The following PHGDH variants were observed in gnomAD, a reference collection of about 807,000 sequenced individuals.
PHGDH encodes phosphoglycerate dehydrogenase, also known as D-3-phosphoglycerate dehydrogenase.
In PHGDH, 50 loss-of-function variants were observed where a neutral mutation model predicts 52.6. The ratio of observed to expected loss-of-function variants is 0.95; its 90% confidence interval spans 0.76 to 1.20. The LOEUF (loss-of-function observed/expected upper bound fraction) is 1.20. Among genes scored for constraint, PHGDH ranks in the 50% most tolerant of loss-of-function variants. The pLI is 0.00. For missense variants in PHGDH, 630 were observed against 684.6 expected (o/e 0.92, Z 0.89); for synonymous variants, 271 against 280.5 (o/e 0.97, Z 0.34).
At chr1:119,742,234 G>A (rs1356493326) in intron 10 of PHGDH, 7 of 402,814 alleles carry the variant, frequency 1.7e-5, no homozygotes, top group Non-Finnish European at 3.3e-5. Context: ...TCCCCTCAGG[G>A]CTCCTCATGC....
In PHGDH at chr1:119,743,012, C is replaced by T. The variant is rs966613179; in HGVS notation, c.1415C>T (p.Thr472Ile). The T allele has an allele frequency of 2.5e-6, 4 of 1,613,108 alleles. No homozygotes were observed. Among genetic ancestry groups the T allele is most frequent in the Non-Finnish European group, 3.4e-6 (4 of 1,179,118 alleles). Residue 472 changes from threonine to isoleucine, a missense_variant, in exon 11 of 12, where the codon ACC (threonine) becomes ATC (isoleucine). By Grantham distance (89) the Thr-to-Ile change is moderately conservative (BLOSUM62 -1). Coordinates refer to ENST00000641023, the MANE Select transcript of PHGDH (RefSeq NM_006623.4). ...CCCCTGCTCCTATTCCGGACTCAGA[C>T]CTCTGACCCTGCAATGCTGCCTACC... is the stretch of plus-strand genomic sequence containing the variant. The part of the protein sequence containing the change: ...DLPLLLFRTQ[T>I]SDPAMLPTMI...
At chr1:119,737,426 C>T (rs587751532) in intron 8 of PHGDH, among the ~76,000 whole-genome samples, 160 bp downstream of exon 8, 217 of 152,216 alleles carry the variant, frequency 1.4e-3, no homozygotes, top group Non-Finnish European at 2.1e-3. Context: ...AGCAGGTGGG[C>T]GGGAGCCTCC....
chr1:119,723,338 C>G, intron 2 of PHGDH, 38 bp from the exon 3 acceptor site: 15 of 1,501,460 alleles, frequency 1.0e-5, no homozygotes, highest in Non-Finnish European at 1.4e-5. Flanking sequence ...AATACTGGGT[C>G]TGTGCCCATT....
intron 1 of PHGDH, among the ~76,000 whole-genome samples, chr1:119,716,647 G>A (rs1053397197): frequency 7.2e-5 from 11 of 152,174 alleles, no homozygotes; most frequent in African/African-American, 2.7e-4. Context: ...GTGATAAGAT[G>A]ATGACTCTGG....
At chr1:119,726,768 A>G in intron 3 of PHGDH, 83 bp from the exon 4 acceptor site, 1 of 1,088,274 alleles carries the variant, frequency 9.2e-7, no homozygotes, top group Non-Finnish European at 1.4e-6. Context: ...ATGGGCAGTG[A>G]CTGTGCAAAC....
intron 7 of PHGDH, 65 bp from the exon 8 acceptor site, chr1:119,737,049 G>A: frequency 6.5e-7 from 1 of 1,541,324 alleles, no homozygotes. Context: ...CCTGTTGCCT[G>A]GGGTGGCCCA....
Position 119,711,944 on chromosome 1 carries a change from T to C in PHGDH, c.-79T>C, listed in dbSNP as rs747803505. The C allele has an allele frequency of 2.4e-4, 356 of 1,485,680 alleles. No homozygotes were observed. Among genetic ancestry groups the C allele is most frequent in the Non-Finnish European group, 3.1e-4 (329 of 1,065,454 alleles). The allele number at this position is 1,485,680 out of a possible 1,614,324, so 92.0% of individuals were successfully genotyped here. A position where few individuals can be genotyped will look rare whatever the true frequency, so the allele number is the denominator to read the frequency against. On this transcript the variant is annotated 5_prime_UTR_variant, in exon 1 of 12. Coordinates refer to ENST00000641023, the MANE Select transcript of PHGDH (RefSeq NM_006623.4). The stretch of plus-strand genomic sequence containing the variant: ...GCTGGAGAATACTGCCCAGTTACTC[T>C]AGCGCGCCAGGCCGAACCGCAGCTT...
intron 9 of PHGDH, among the ~76,000 whole-genome samples, chr1:119,740,792 CGAGA>C (rs377756891): frequency 3.3e-5 from 5 of 152,080 alleles, no homozygotes; most frequent in African/African-American, 9.7e-5. Flanking sequence ...GAAACCTCTA[CGAGA>C]GAGAGAGTTT....
At chr1:119,717,404 T>C (rs1038291232) in intron 1 of PHGDH, among the ~76,000 whole-genome samples, 2 of 152,142 alleles carry the variant, frequency 1.3e-5, no homozygotes, top group Non-Finnish European at 2.9e-5. Context: ...AAAATTTGAA[T>C]GTAACTGGAT....
chr1:119,729,447 C>G (rs181593606), intron 5 of PHGDH: 1 of 152,232 alleles, frequency 6.6e-6, no homozygotes, highest in Non-Finnish European at 1.5e-5. Context: ...GACCAGTGGC[C>G]GTTCCAAGGC....
intron 9 of PHGDH, 28 bp from the exon 10 acceptor site, chr1:119,741,739 C>T (rs773082586): frequency 6.2e-7 from 1 of 1,609,912 alleles, no homozygotes; most frequent in Admixed American, 1.7e-5. Context: ...CAAACAGTGA[C>T]CTCATGGTAG....
intron 1 of PHGDH, among the ~76,000 whole-genome samples, 181 bp downstream of exon 1, chr1:119,712,341 G>A (rs1650734281): frequency 6.6e-6 from 1 of 152,180 alleles, no homozygotes; most frequent in South Asian, 2.1e-4. Flanking sequence ...AAGAACAAAC[G>A]GCGGCGAGAT....
intron 9 of PHGDH, 105 bp downstream of exon 9, chr1:119,740,623 G>A: frequency 9.9e-7 from 1 of 1,006,072 alleles, no homozygotes. Context: ...GTGAGAGGCA[G>A]TGAGGGTGCC....
intron 6 of PHGDH, 80 bp downstream of exon 6, chr1:119,734,846 C>T: frequency 1.3e-6 from 2 of 1,488,388 alleles, no homozygotes. Context: ...TGGGCCTTCC[C>T]CAGACAGTGG....
intron 5 of PHGDH, among the ~76,000 whole-genome samples, chr1:119,727,870 T>C (rs1023531114): frequency 6.6e-6 from 1 of 151,974 alleles, no homozygotes; most frequent in Non-Finnish European, 1.5e-5. Flanking sequence ...AATGAGGCAG[T>C]GTTGATTATT....
At chr1:119,730,032 A>C (rs1651624914) in intron 5 of PHGDH, 1 of 152,130 alleles carries the variant, frequency 6.6e-6, no homozygotes, top group African/African-American at 2.4e-5. Flanking sequence ...ATCATTCCGG[A>C]GAGTCTAAGT....
At chr1:119,726,663 C>CA (rs1469193118) in intron 3 of PHGDH, 188 bp from the exon 4 acceptor site, 1 of 645,736 alleles carries the variant, frequency 1.5e-6, no homozygotes, top group Non-Finnish European at 2.8e-6. Flanking sequence ...TAAGTCAGAT[C>CA]TTGCCAAGGG....
chr1:119,712,239 C>A, intron 1 of PHGDH, 79 bp downstream of exon 1: 1 of 1,355,010 alleles, frequency 7.4e-7, no homozygotes. Context: ...GCCAGCGCGC[C>A]CCCCTCGCAT....
intron 8 of PHGDH, 135 bp downstream of exon 8, chr1:119,737,401 G>C: frequency 1.3e-6 from 1 of 775,456 alleles, no homozygotes; most frequent in Non-Finnish European, 2.1e-6. Context: ...ATCTGCTTGA[G>C]TCAGCACTCT....
Sources: allele counts gnomAD v4.1 joint callset (sites outside exome capture counted in the v4.1 genomes callset), GRCh38; gene constraint gnomAD v4.1.1; transcripts MANE v1.5; gene names NCBI Gene and HGNC (gene_info 2026-07-23, HGNC 2026-07-21).